The following PCDHA2 variants were observed in gnomAD, a reference collection of about 807,000 sequenced individuals.
The protein encoded by PCDHA2 is protocadherin alpha 2.
In PCDHA2, 58 loss-of-function variants were observed where a neutral mutation model predicts 66.0. The observed-to-expected ratio is 0.88, with a 90% CI of 0.71 to 1.09. The LOEUF is 1.09. Ranked by LOEUF, PCDHA2 falls within the 50% of genes least tolerant of loss-of-function variation. PCDHA2 has a pLI of 0.00. For synonymous variants in PCDHA2, 634 were observed against 554.0 expected, an observed-to-expected ratio of 1.14 and a Z score of -2.03; for missense variants, 1,267 against 1,242.3, an observed-to-expected ratio of 1.02 and a Z score of -0.30.
chr5:140,796,565 A>C lies in PCDHA2; in HGVS notation c.1601A>C (p.Gln534Pro). Residue 534 changes from glutamine to proline, a missense_variant, in exon 1 of 4, where the codon CAG (glutamine) becomes CCG (proline). Coordinates refer to ENST00000526136, the MANE Select transcript of PCDHA2 (RefSeq NM_018905.3). ...DHEEVELLQF[Q>P]VSARDAGVPP... The stretch of plus-strand genomic sequence containing the variant: ...GAGGAAGTGGAGCTGCTGCAGTTCC[A>C]GGTGAGCGCGCGGGATGCGGGCGTG... 4 of 1,612,846 alleles carry C rather than the reference A, an allele frequency of 2.5e-6. No individual in the cohort carries two copies. Among genetic ancestry groups the C allele is most frequent in the Non-Finnish European group, 3.4e-6 (4 of 1,179,776 alleles).
intron 1 of PCDHA2, chr5:140,802,804 G>A: frequency 6.2e-7 from 1 of 1,613,476 alleles, no homozygotes. Flanking sequence ...TTCCAGGTGA[G>A]TGCGCGCGAT....
intron 1 of PCDHA2, chr5:140,870,983 C>A: frequency 6.2e-7 from 1 of 1,613,520 alleles, no homozygotes; most frequent in South Asian, 1.1e-5. Context: ...GGGCTGTACA[C>A]GGGCGAGATA....
intron 1 of PCDHA2, among the ~76,000 whole-genome samples, chr5:140,874,551 T>C (rs1418780563): frequency 6.6e-6 from 1 of 152,222 alleles, no homozygotes; most frequent in African/African-American, 2.4e-5. Flanking sequence ...CTTTAAGAGA[T>C]CTTTCGCATT....
At chr5:140,810,395 T>C (rs1764651195) in intron 1 of PCDHA2, 1 of 152,204 alleles carries the variant, frequency 6.6e-6, no homozygotes, top group East Asian at 1.9e-4. Flanking sequence ...TCTTTGTCTT[T>C]TGTAGCTAAC....
chr5:140,836,550 T>G, intron 1 of PCDHA2: 1 of 1,613,712 alleles, frequency 6.2e-7, no homozygotes, highest in Non-Finnish European at 8.5e-7. Context: ...GGCGTTGCGG[T>G]GCTCAGCGCC....
chr5:140,979,048 C>T, intron 2 of PCDHA2, 41 bp downstream of exon 2: 2 of 1,611,774 alleles, frequency 1.2e-6, no homozygotes, highest in East Asian at 2.2e-5. Context: ...GTAACCTTAA[C>T]TTGGTATGGC....
At position 140,797,079 on chromosome 5, in the gene PCDHA2, C is replaced by T. The variant is rs781862610; in HGVS notation, c.2115C>T (p.Cys705=). The T allele has an allele frequency of 3.1e-6, 5 of 1,613,792 alleles. No individual in the cohort carries two copies. The highest frequency in any genetic ancestry group is 4.2e-6 in the Non-Finnish European group (5 of 1,179,978). The change falls in exon 1 of 4, where the codon TGC becomes TGT. Residue 705 remains cysteine (C), a synonymous_variant. Coordinates refer to ENST00000526136, the MANE Select transcript of PCDHA2 (RefSeq NM_018905.3). ...DVNVYLIIAI[C]AVSSLLVLTV... ...ACGTGTACCTGATCATCGCCATCTG[C>T]GCGGTATCCAGCCTGTTGGTGCTCA...
intron 1 of PCDHA2, among the ~76,000 whole-genome samples, chr5:140,910,741 ATAAAT>A (rs2075151736): frequency 6.6e-6 from 1 of 152,142 alleles, no homozygotes; most frequent in African/African-American, 2.4e-5. Flanking sequence ...AACCAAGCAC[ATAAAT>A]TATCAGAACC....
chr5:140,869,577 T>C, intron 1 of PCDHA2: 2 of 1,614,188 alleles, frequency 1.2e-6, no homozygotes, highest in Non-Finnish European at 8.5e-7. Context: ...AGGGAGCTTC[T>C]GATGCTGACA....
At chr5:141,008,698 G>A (rs246582) in intron 3 of PCDHA2, among the ~76,000 whole-genome samples, 2,594 of 152,212 alleles carry the variant, frequency 0.017, 88 homozygotes, top group African/African-American at 0.059. Context: ...GTATTAAGTT[G>A]GTTTCTAGTT....
At chr5:140,812,147 T>TTTGTTGTTGTTGTTGTTGTTGTTG (rs70988777) in intron 1 of PCDHA2, 1 of 150,790 alleles carries the variant, frequency 6.6e-6, no homozygotes, top group African/African-American at 2.4e-5. Flanking sequence ...GTTTTGGGCT[T>TTTGTTGTTGTTGTTGTTGTTGTTG]TTGTTGTTGT....
chr5:140,881,445 A>C, intron 1 of PCDHA2: 1 of 783,070 alleles, frequency 1.3e-6, no homozygotes, highest in Non-Finnish European at 1.6e-6. Flanking sequence ...TAAAAACAGA[A>C]TCCAAAACCT....
chr5:140,823,976 G>A (rs1247134130), intron 1 of PCDHA2: 1 of 1,614,034 alleles, frequency 6.2e-7, no homozygotes, highest in Non-Finnish European at 8.5e-7. Context: ...TGCACACGGG[G>A]CAAGCCCACT....
intron 2 of PCDHA2, 171 bp from the exon 3 acceptor site, chr5:140,982,304 C>G: frequency 8.0e-7 from 1 of 1,244,768 alleles, no homozygotes. Context: ...AGCAATGCTT[C>G]TGCAGTTTAT....
chr5:141,002,975 A>G (rs188944079), intron 3 of PCDHA2, among the ~76,000 whole-genome samples: 1 of 152,338 alleles, frequency 6.6e-6, no homozygotes, highest in Admixed American at 6.5e-5. Context: ...TGAAAATAGT[A>G]TCCTTGGTCA....
chr5:140,965,664 A>G (rs931573016), intron 1 of PCDHA2, among the ~76,000 whole-genome samples: 2 of 152,254 alleles, frequency 1.3e-5, no homozygotes, highest in Non-Finnish European at 2.9e-5. Flanking sequence ...GTCTTGGGTG[A>G]TAAATGTAAA....
intron 1 of PCDHA2, among the ~76,000 whole-genome samples, chr5:140,952,946 G>A (rs2094822679): frequency 6.6e-6 from 1 of 152,070 alleles, no homozygotes; most frequent in African/African-American, 2.4e-5. Flanking sequence ...AAGAGAGAGA[G>A]AAGGGGGAAG....
chr5:140,808,435 G>T, intron 1 of PCDHA2: 1 of 1,614,194 alleles, frequency 6.2e-7, no homozygotes, highest in Non-Finnish European at 8.5e-7. Flanking sequence ...TGGACCGCGA[G>T]AGCGTGTCAG....
At chr5:140,829,719 C>A (rs781943125) in intron 1 of PCDHA2, 1 of 1,613,542 alleles carries the variant, frequency 6.2e-7, no homozygotes, top group Non-Finnish European at 8.5e-7. Flanking sequence ...GCGGGCGTGC[C>A]GCCTCTGGGC....
Sources: allele counts gnomAD v4.1 joint callset (sites outside exome capture counted in the v4.1 genomes callset), GRCh38; gene constraint gnomAD v4.1.1; transcripts MANE v1.5; gene names NCBI Gene and HGNC (gene_info 2026-07-23, HGNC 2026-07-21).